The following CCNYL1 variants were observed in gnomAD, a reference collection of about 807,000 sequenced individuals.
The protein encoded by CCNYL1 is cyclin Y like 1, also known as cyclin-Y-like protein 1.
Under a neutral mutation model 44.2 loss-of-function variants are expected in CCNYL1, and 16 were observed. That is an observed-to-expected ratio of 0.36 (90% CI 0.25 to 0.55). The LOEUF is 0.55. CCNYL1 is among the 20% of genes least tolerant of loss of function. CCNYL1 has a pLI of 0.85. For synonymous variants in CCNYL1, 159 were observed against 163.2 expected (o/e 0.97, Z 0.20); for missense variants, 348 against 451.8 (o/e 0.77, Z 2.08).
At chr2:207,712,286 G>T (rs1233435487) in intron 1 of CCNYL1, among the ~76,000 whole-genome samples, 170 bp downstream of exon 1, 1 of 152,114 alleles carries the variant, frequency 6.6e-6, no homozygotes, top group Non-Finnish European at 1.5e-5. Context: ...GCCCTGCTGC[G>T]TCTGGCCAGT....
intron 4 of CCNYL1, among the ~76,000 whole-genome samples, chr2:207,736,831 T>C (rs183863164): frequency 1.9e-4 from 29 of 152,154 alleles, no homozygotes; most frequent in Admixed American, 6.5e-4. Context: ...AAAGGTTCTA[T>C]GGGCAGAAGA....
At chr2:207,752,088 A>G (rs752267581) in intron 9 of CCNYL1, among the ~76,000 whole-genome samples, 1 of 151,486 alleles carries the variant, frequency 6.6e-6, no homozygotes, top group Non-Finnish European at 1.5e-5. Flanking sequence ...ATCTACATAC[A>G]TAATTCACTT....
intron 4 of CCNYL1, among the ~76,000 whole-genome samples, chr2:207,735,292 A>G (rs1306873116): frequency 6.6e-6 from 1 of 152,204 alleles, no homozygotes; most frequent in East Asian, 1.9e-4. Context: ...ATTTTGAAAA[A>G]TGTTTATCAT....
intron 1 of CCNYL1, among the ~76,000 whole-genome samples, chr2:207,721,295 C>A (rs2091638330): frequency 6.6e-6 from 1 of 152,172 alleles, no homozygotes; most frequent in Admixed American, 6.5e-5. Flanking sequence ...CTGCTTCTGT[C>A]AGTTACTTTC....
rs753979592 is a variant in CCNYL1 at position 207,737,456 on chromosome 2, T to C, written c.467+10T>C. ...ACCACATAAAGAACAGGTGAGCTCC[T>C]TTAAAACCTGTCTTGTTATTCCAGC... On this transcript the variant is annotated intron_variant, in intron 5 of 9. Transcript: ENST00000295414. 1 of 1,607,178 alleles carries C rather than the reference T, an allele frequency of 6.2e-7. No homozygotes were observed. The highest frequency in any genetic ancestry group is 1.1e-5 in the South Asian group (1 of 90,618).
At chr2:207,727,999 T>C (rs2091693615) in intron 3 of CCNYL1, among the ~76,000 whole-genome samples, 1 of 151,712 alleles carries the variant, frequency 6.6e-6, no homozygotes, top group Non-Finnish European at 1.5e-5. Context: ...GTCTTGCTCT[T>C]GTCCCCCAGG....
At chr2:207,747,333 A>G in intron 8 of CCNYL1, 120 bp downstream of exon 8, 1 of 781,264 alleles carries the variant, frequency 1.3e-6, no homozygotes, top group East Asian at 2.7e-5. Flanking sequence ...AAATAGGCAT[A>G]AGACTATATC....
Position 207,753,585 on chromosome 2 carries a change from T to C in CCNYL1, c.970-3T>C, listed in dbSNP as rs150227459. 230 of 1,596,416 alleles carry C rather than the reference T, an allele frequency of 1.4e-4. No individual in the cohort carries two copies. Among genetic ancestry groups the C allele is most frequent in the Non-Finnish European group, 1.4e-4 (166 of 1,165,698 alleles). On this transcript the variant is annotated splice_region_variant and splice_polypyrimidine_tract_variant and intron_variant, in intron 9 of 9. Coordinates refer to ENST00000295414, the MANE Select transcript of CCNYL1 (RefSeq NM_001330218.2). ...CTGTTTTCTATTTGATTGACTTTCC[T>C]AGGCTATTTCTAGATTGTGTGAAGA...
At chr2:207,719,250 G>A (rs1423227417) in intron 1 of CCNYL1, among the ~76,000 whole-genome samples, 3 of 149,350 alleles carry the variant, frequency 2.0e-5, no homozygotes, top group Non-Finnish European at 4.5e-5. Context: ...CTTTTAATTT[G>A]TGAAAACTTT....
At chr2:207,752,608 T>A (rs1436020299) in intron 9 of CCNYL1, among the ~76,000 whole-genome samples, 2 of 151,980 alleles carry the variant, frequency 1.3e-5, no homozygotes, top group Non-Finnish European at 2.9e-5. Context: ...GGCAAAGTAA[T>A]ATTTATGGCT....
intron 9 of CCNYL1, among the ~76,000 whole-genome samples, chr2:207,753,021 C>CT (rs2091905132): frequency 6.6e-6 from 1 of 150,866 alleles, no homozygotes; most frequent in Non-Finnish European, 1.5e-5. Context: ...GAGCGAAACT[C>CT]TGCCTCAAAA....
In CCNYL1 at chr2:207,724,805, G is replaced by C. The variant is rs1293089558; in HGVS notation, c.226G>C (p.Ala76Pro). The change falls in exon 2 of 10, where the codon GCT (alanine) becomes CCT (proline). Residue 76 changes from alanine (A) to proline (P), a missense_variant. Physicochemically the swap from Ala to Pro is conservative, Grantham distance 27 (BLOSUM62 -1). Around this residue, in one of 3 missense-constraint regions of CCNYL1, gnomAD observed 209 missense variants for 247.7 expected, o/e 0.84. Transcript: ENST00000295414. ...TTTTTCCTCCTCTTCTATAGATTTA[G>C]CTTTGGAGTCAAACCCTTCTGACCA... The part of the protein sequence containing the change: ...ISDREMPEDL[A>P]LESNPSDHPR... The C allele has an allele frequency of 1.9e-6, 3 of 1,612,316 alleles. No homozygotes were observed. The African/African-American group carries it at 4.0e-5, about 22-fold the overall frequency.
intron 5 of CCNYL1, among the ~76,000 whole-genome samples, chr2:207,739,506 A>T (rs375602497): frequency 1.6e-4 from 25 of 152,350 alleles, no homozygotes; most frequent in African/African-American, 5.8e-4. Context: ...CTGGGATTAT[A>T]GGCATGAGCC....
chr2:207,743,680 C>T (rs576523757), intron 7 of CCNYL1, among the ~76,000 whole-genome samples: 3 of 152,196 alleles, frequency 2.0e-5, no homozygotes, highest in African/African-American at 7.2e-5. Context: ...GGAGGAAACC[C>T]AGGAGAAGGT....
intron 1 of CCNYL1, chr2:207,714,441 C>A (rs761612732): frequency 7.9e-6 from 3 of 380,124 alleles, no homozygotes; most frequent in Non-Finnish European, 1.5e-5. Flanking sequence ...GGACCACGGG[C>A]GTGTGCCATC....
intron 1 of CCNYL1, among the ~76,000 whole-genome samples, chr2:207,717,012 G>C (rs925848724): frequency 8.6e-5 from 13 of 151,826 alleles, no homozygotes; most frequent in African/African-American, 3.1e-4. Flanking sequence ...GGGAGGCTGA[G>C]GCAGGAGAAT....
rs1575223716 is a variant in CCNYL1, at chr2:207,747,152, G to A, written c.745G>A (p.Asp249Asn). 4 of 1,614,080 alleles carry A rather than the reference G, an allele frequency of 2.5e-6. No homozygotes were observed. Among genetic ancestry groups the A allele is most frequent in the South Asian group, 2.2e-5 (2 of 91,082 alleles). ...AILLASKVWD[D>N]QAVWNVDYCQ... ...TCTTCTTGCCTCCAAGGTTTGGGAC[G>A]ATCAGGCTGTATGGAATGTGGACTA... The change falls in exon 8 of 10, where the codon GAT becomes AAT. Residue 249 changes from aspartate (D) to asparagine (N), a missense_variant. Physicochemically the swap from Asp to Asn is conservative, Grantham distance 23. Around this residue, in one of 3 missense-constraint regions of CCNYL1, gnomAD observed 45 missense variants for 101.7 expected, o/e 0.44. Coordinates refer to ENST00000295414, the MANE Select transcript of CCNYL1 (RefSeq NM_001330218.2).
rs57448056 is a variant in CCNYL1 at position 207,726,825 on chromosome 2, A to AT, written c.296-9dup. On this transcript the variant is annotated splice_polypyrimidine_tract_variant and intron_variant, in intron 2 of 9. Coordinates refer to ENST00000295414, the MANE Select transcript of CCNYL1 (RefSeq NM_001330218.2). ...CATTTGTATCAGAATTGATCAGCTA[A>AT]TTTTTTTTATTCTTAGTGCGAGAAA... is the stretch of plus-strand genomic sequence containing the variant. 12 of 1,559,044 alleles carry AT rather than the reference A, an allele frequency of 7.7e-6. No homozygotes were observed. Among genetic ancestry groups the AT allele is most frequent in the African/African-American group, 2.8e-5 (2 of 71,612 alleles).
Position 207,742,343 on chromosome 2 carries a change from G to A in CCNYL1, c.639+1G>A. On this transcript the variant is annotated splice_donor_variant, in intron 7 of 9. Transcript: ENST00000295414. LOFTEE classifies it high-confidence loss of function. ...AGCTGAATGTGCAATAGTAACTTTG[G>A]TAAGATATTTCTCATTTATAAAGTG... 1 of 1,609,264 alleles carries A rather than the reference G, an allele frequency of 6.2e-7. No homozygotes were observed. The highest frequency in any genetic ancestry group is 8.5e-7 in the Non-Finnish European group (1 of 1,178,092).
Sources: allele counts gnomAD v4.1 joint callset (sites outside exome capture counted in the v4.1 genomes callset), GRCh38; gene constraint gnomAD v4.1.1; regional missense constraint gnomAD v4.1.1; transcripts MANE v1.5; gene names NCBI Gene and HGNC (gene_info 2026-07-23, HGNC 2026-07-21).